RPUSD1: variants seen among roughly 807,000 people sequenced by gnomAD.
RPUSD1 encodes RNA pseudouridine synthase domain containing 1.
RPUSD1 carries 28 observed loss-of-function variants against 22.4 expected under a neutral mutation model. The ratio of observed to expected loss-of-function variants is 1.25; its 90% CI spans 0.93 to 1.72. The LOEUF is 1.72. Among genes scored for constraint, RPUSD1 ranks in the 40% most tolerant of loss-of-function variants. RPUSD1 has a pLI of 0.00. For synonymous variants in RPUSD1, 298 were observed against 201.0 expected, an observed-to-expected ratio of 1.48 and a Z score of -4.08; for missense variants, 596 against 442.2, an observed-to-expected ratio of 1.35 and a Z score of -3.12.
rs9932484 is a variant in RPUSD1, at chr16:786,793, G to A, written c.511+34C>T. On this transcript the variant is annotated intron_variant, in intron 5 of 5. Coordinates refer to ENST00000007264, the MANE Select transcript of RPUSD1 (RefSeq NM_058192.3). ...GGCCCTGTGCCTCAGTTTCCCTTCT[G>A]TCACCACCAGGACACCGCCCACCCC... The A allele has an allele frequency of 0.015, 22,796 of 1,563,190 alleles. 1,851 individuals carry two copies. In the African/African-American group the frequency reaches 0.2, roughly 14 times the overall value.
At chr16:787,269 G>C (rs2151634092) in intron 3 of RPUSD1, 85 bp downstream of exon 3, 1 of 1,546,754 alleles carries the variant, frequency 6.5e-7, no homozygotes, top group Admixed American at 1.9e-5. Flanking sequence ...CGTAGAGCGT[G>C]GTGGGAGGCT....
intron 5 of RPUSD1, 33 bp from the exon 6 acceptor site, chr16:786,410 G>T: frequency 6.3e-7 from 1 of 1,581,144 alleles, no homozygotes. Context: ...GATCAAGCTG[G>T]GAGCGGGGCC....
chr16:787,791 C>T, intron 1 of RPUSD1, 47 bp from the exon 2 acceptor site: 2 of 1,580,580 alleles, frequency 1.3e-6, no homozygotes, highest in Non-Finnish European at 1.7e-6. Context: ...CGTGGTGCGC[C>T]CCCAGCCCAG....
chr16:787,329 C>T, intron 3 of RPUSD1, 25 bp downstream of exon 3: 1 of 1,566,658 alleles, frequency 6.4e-7, no homozygotes, highest in Non-Finnish European at 8.7e-7. Context: ...CCCCACGCCC[C>T]ACCCCAGGAC....
chr16:786,734 C>G, intron 5 of RPUSD1, 93 bp downstream of exon 5: 1 of 1,037,228 alleles, frequency 9.6e-7, no homozygotes, highest in South Asian at 1.3e-5. Context: ...CCAGCTCTGC[C>G]CTGATGCTCA....
Position 785,870 on chromosome 16 carries a change from C to A in RPUSD1, c.*80G>T. ...TGCCTGGCACCTCGAGGCCCCAGAG[C>A]CAGTGAGCAGACGCTCGCTCGCCCA... On this transcript the variant is annotated 3_prime_UTR_variant, in exon 6 of 6. Coordinates refer to ENST00000007264, the MANE Select transcript of RPUSD1 (RefSeq NM_058192.3). 1 of 1,261,282 alleles carries A rather than the reference C, an allele frequency of 7.9e-7. No homozygotes were observed. Among genetic ancestry groups the A allele is most frequent in the Non-Finnish European group, 1.0e-6 (1 of 964,298 alleles). The allele number at this position is 1,261,282 out of a possible 1,614,324, so 78.1% of individuals were successfully genotyped here. A position where few individuals can be genotyped will look rare whatever the true frequency, so the allele number is the denominator to read the frequency against.
rs1485439622 is a variant in RPUSD1 at position 786,387 on chromosome 16, G to T, written c.512-10C>A. ...AGCTGGTGTGTCCGGCCTGCGGGAT[G>T]AGGGCGGTGCCGGATCAAGCTGGGA... On this transcript the variant is annotated splice_polypyrimidine_tract_variant and intron_variant, in intron 5 of 5. Transcript: ENST00000007264. 6.3e-7 allele frequency: 1 copy of T among 1,599,440 alleles called. No homozygotes were observed. Among genetic ancestry groups the T allele is most frequent in the South Asian group, 1.1e-5 (1 of 90,400 alleles).
rs147341301 is a variant in RPUSD1, at chr16:786,577, G to A, written c.512-200C>T. 1.9e-4 allele frequency: 145 copies of A among 749,482 alleles called. 1 individual carries two copies. The East Asian group carries it at 2.6e-3, about 14-fold the overall frequency. 46.4% of individuals were successfully genotyped at this position (749,482 alleles called of 1,614,324 possible). On this transcript the variant is annotated intron_variant, in intron 5 of 5. Coordinates refer to ENST00000007264, the MANE Select transcript of RPUSD1 (RefSeq NM_058192.3). ...ATTGTGTTCAGGTCACCACTGGTGA[G>A]GACAGGGCCAGGGTGGTGCTCGGTC...
intron 5 of RPUSD1, 92 bp from the exon 6 acceptor site, chr16:786,469 G>A (rs1352228980): frequency 3.5e-5 from 46 of 1,321,974 alleles, no homozygotes; most frequent in Admixed American, 8.0e-5. Flanking sequence ...TCATGACCCC[G>A]CTGCAGTCTT....
intron 1 of RPUSD1, 52 bp downstream of exon 1, chr16:788,204 G>A (rs1567384223): frequency 5.0e-6 from 2 of 401,598 alleles, no homozygotes; most frequent in Non-Finnish European, 4.8e-6. Context: ...CGGTGGGCAG[G>A]CCGACCCTGG....
Position 786,094 on chromosome 16 carries a change from C to T in RPUSD1, c.795G>A (p.Arg265=). 3 of 1,579,344 alleles carry T rather than the reference C, an allele frequency of 1.9e-6. No individual in the cohort carries two copies. Among genetic ancestry groups the T allele is most frequent in the South Asian group, 2.3e-5 (2 of 88,098 alleles). Residue 265 remains arginine, a synonymous_variant, in exon 6 of 6, where the codon AGG becomes AGA. Transcript: ENST00000007264. The part of the protein sequence containing the change: ...RATPDPDPED[R]GPRPGSPSAL... ...CGGAGGGGCTGCCTGGCCTGGGGCCCCTATCCTCGGGGTCAGGGTCGGGGG... is the reference window on the plus strand; with the variant it reads ...CGGAGGGGCTGCCTGGCCTGGGGCCTCTATCCTCGGGGTCAGGGTCGGGGG...
At chr16:787,531 G>A (rs1291969919) in intron 2 of RPUSD1, 25 bp downstream of exon 2, 5 of 1,604,898 alleles carry the variant, frequency 3.1e-6, no homozygotes, top group African/African-American at 2.7e-5. Flanking sequence ...AGACGCCACC[G>A]TGGGGCTCCG....
At chr16:786,662 G>C (rs1049289453) in intron 5 of RPUSD1, 165 bp downstream of exon 5, 3 of 755,514 alleles carry the variant, frequency 4.0e-6, no homozygotes, top group African/African-American at 1.7e-5. Context: ...CAGGGACCCT[G>C]TGTCAGGTGA....
Position 785,776 on chromosome 16 carries a change from C to T in RPUSD1, c.*174G>A, listed in dbSNP as rs535386700. On this transcript the variant is annotated 3_prime_UTR_variant, in exon 6 of 6. Coordinates refer to ENST00000007264, the MANE Select transcript of RPUSD1 (RefSeq NM_058192.3). ...GTCACCTGTGATCACGGCTGCCTGGCGCCCCCTGCCGGCCCCACCTCAGCC... is the reference window on the plus strand; with the variant it reads ...GTCACCTGTGATCACGGCTGCCTGGTGCCCCCTGCCGGCCCCACCTCAGCC... The T allele has an allele frequency of 5.9e-4, 296 of 502,422 alleles. 1 individual carries two copies. The highest frequency in any genetic ancestry group is 5.1e-3 in the African/African-American group (258 of 50,216). 31.1% of individuals were successfully genotyped at this position (502,422 alleles called of 1,614,324 possible). A position where few individuals can be genotyped will look rare whatever the true frequency, so the allele number is the denominator to read the frequency against.
rs545670199 is a variant in RPUSD1 at position 785,880 on chromosome 16, G to A, written c.*70C>T. On this transcript the variant is annotated 3_prime_UTR_variant, in exon 6 of 6. Transcript: ENST00000007264. ...CTCGAGGCCCCAGAGCCAGTGAGCA[G>A]ACGCTCGCTCGCCCATCTCCCTAGA... 7.6e-7 allele frequency: 1 copy of A among 1,309,962 alleles called. No individual in the cohort carries two copies. Among genetic ancestry groups the A allele is most frequent in the African/African-American group, 1.5e-5 (1 of 66,680 alleles). 81.1% of individuals were successfully genotyped at this position (1,309,962 alleles called of 1,614,324 possible).
intron 1 of RPUSD1, 72 bp from the exon 2 acceptor site, chr16:787,816 C>T (rs945209229): frequency 7.3e-6 from 11 of 1,497,892 alleles, no homozygotes; most frequent in African/African-American, 6.9e-5. Flanking sequence ...CAGAGGTACC[C>T]GCACCGCCCC....
intron 4 of RPUSD1, 68 bp from the exon 5 acceptor site, chr16:786,996 G>A: frequency 6.4e-6 from 10 of 1,564,730 alleles, no homozygotes; most frequent in South Asian, 3.5e-5. Context: ...CCCAACGCAC[G>A]ATGCCCGCCC....
In RPUSD1 at chr16:787,382, C is replaced by T. The variant is rs766957011; in HGVS notation, c.278G>A (p.Arg93Gln). 2.5e-5 allele frequency: 40 copies of T among 1,590,196 alleles called. No individual in the cohort carries two copies. In the East Asian group the frequency reaches 3.5e-4, roughly 14 times the overall value. Residue 93 changes from arginine to glutamine, a missense_variant, in exon 3 of 6, where the codon CGG (arginine) becomes CAG (glutamine). By Grantham distance (43) the Arg-to-Gln change is conservative (BLOSUM62 1). Coordinates refer to ENST00000007264, the MANE Select transcript of RPUSD1 (RefSeq NM_058192.3). ...TGCCAGGTAAGCCTTGGTCACGCGCCGCTCCTTGAAGCACCTGTACGCGCT... is the reference window on the plus strand; with the variant it reads ...TGCCAGGTAAGCCTTGGTCACGCGCTGCTCCTTGAAGCACCTGTACGCGCT... The part of the protein sequence containing the change: ...AGSAYRCFKE[R>Q]RVTKAYLALL...
At position 787,551 on chromosome 16, in the gene RPUSD1, C is replaced by G. The variant is rs777677649; in HGVS notation, c.182+5G>C. On this transcript the variant is annotated splice_donor_5th_base_variant and intron_variant, in intron 2 of 5. Coordinates refer to ENST00000007264, the MANE Select transcript of RPUSD1 (RefSeq NM_058192.3). The stretch of plus-strand genomic sequence containing the variant: ...CCACCGTGGGGCTCCGGCCGCCCCC[C>G]CTACCTGAACCCGTAGCAGGTGTCA... 34 of 1,609,726 alleles carry G rather than the reference C, an allele frequency of 2.1e-5. No homozygotes were observed. The highest frequency in any genetic ancestry group is 1.0e-4 in the Admixed American group (6 of 59,852).
Sources: allele counts gnomAD v4.1 joint callset, GRCh38; gene constraint gnomAD v4.1.1; transcripts MANE v1.5; gene names NCBI Gene and HGNC (gene_info 2026-07-23, HGNC 2026-07-21).